The following CHD1L variants were observed in gnomAD, a reference collection of about 807,000 sequenced individuals.
The protein encoded by CHD1L is ATP-dependent chromatin remodeler CHD1L.
CHD1L carries 118 observed loss-of-function variants against 115.9 expected under a neutral mutation model. The ratio of observed to expected loss-of-function variants is 1.02; its 90% confidence interval spans 0.88 to 1.19. CHD1L has a LOEUF of 1.19. CHD1L is among the 50% of genes most tolerant of loss of function. The probability of loss-of-function intolerance (pLI) is 0.00; values close to 1 mark genes in which losing one functional copy is unlikely to be tolerated. For missense variants in CHD1L, 1,179 were observed against 1,065.3 expected (o/e 1.11, Z -1.49); for synonymous variants, 411 against 387.1 (o/e 1.06, Z -0.72).
At chr1:147,194,063 G>A in the CHD1L span, among the ~76,000 whole-genome samples, 1 of 152,082 alleles carries the variant, frequency 6.6e-6, no homozygotes, top group Non-Finnish European at 1.5e-5. Context: ...GGGTATCCTT[G>A]TTAACCTTCT....
intron 1 of CHD1L, among the ~76,000 whole-genome samples, chr1:147,245,080 G>A (rs782011989): frequency 1.3e-5 from 2 of 152,082 alleles, no homozygotes; most frequent in African/African-American, 2.4e-5. Flanking sequence ...TTTGTTTCTG[G>A]AATATGCAGA....
At position 147,265,446 on chromosome 1, in the gene CHD1L, A is replaced by G. The variant is rs184942599; in HGVS notation, c.740-486A>G. Among the ~76,000 whole-genome samples, 482 of 152,312 alleles carry G rather than the reference A, an allele frequency of 3.2e-3. 4 individuals carry two copies. The highest frequency in any genetic ancestry group is 5.5e-3 in the Non-Finnish European group (377 of 68,012). ...GCAATCCTACAGGTAGTATAATTCT[A>G]ATTTAGAATAATTTTTGAAATTCAA... On this transcript the variant is annotated intron_variant, in intron 7 of 22. Transcript: ENST00000369258.
chr1:147,274,506 T>A (rs1677544535), intron 12 of CHD1L, among the ~76,000 whole-genome samples: 2 of 152,182 alleles, frequency 1.3e-5, no homozygotes, highest in African/African-American at 4.8e-5. Flanking sequence ...GAACAAGCCC[T>A]TTCAGGCTTG....
chr1:147,203,780 A>G, the CHD1L span: 1 of 1,544,514 alleles, frequency 6.5e-7, no homozygotes, highest in Non-Finnish European at 8.9e-7. Flanking sequence ...TATGTCATCC[A>G]TCAGATTGTC....
upstream of CHD1L, chr1:147,242,560 C>T: frequency 1.2e-6 from 1 of 866,446 alleles, no homozygotes; most frequent in Non-Finnish European, 1.5e-6. Flanking sequence ...ACCAGCTCCG[C>T]TCCGGATATC....
chr1:147,196,508 C>T, the CHD1L span, among the ~76,000 whole-genome samples: 1 of 151,798 alleles, frequency 6.6e-6, no homozygotes, highest in Non-Finnish European at 1.5e-5. Flanking sequence ...CAACAAAAAA[C>T]CCTATCTATT....
the CHD1L span, chr1:147,173,092 G>A: frequency 1.3e-5 from 2 of 152,644 alleles, no homozygotes; most frequent in African/African-American, 4.8e-5. Flanking sequence ...CACGAAGTCA[G>A]GAGATCAAGA....
chr1:147,241,305 C>T (rs1177690112), upstream of CHD1L, among the ~76,000 whole-genome samples: 2 of 152,118 alleles, frequency 1.3e-5, no homozygotes, highest in South Asian at 2.1e-4. Flanking sequence ...TTAAATGGCC[C>T]GTCTTTGCCT....
At chr1:147,204,698 G>A in the CHD1L span, 6 of 1,544,834 alleles carry the variant, frequency 3.9e-6, no homozygotes, top group Non-Finnish European at 5.4e-6. Flanking sequence ...GCAGGATGCT[G>A]TACTTCTAGT....
chr1:147,187,330 T>C, the CHD1L span: 33 of 916,102 alleles, frequency 3.6e-5, no homozygotes, highest in Non-Finnish European at 5.1e-5. Context: ...TGCCTGCTAT[T>C]GGCTCAATAT....
At chr1:147,290,805 C>T (rs1379096450) in intron 19 of CHD1L, among the ~76,000 whole-genome samples, 7 of 152,142 alleles carry the variant, frequency 4.6e-5, no homozygotes, top group Non-Finnish European at 1.0e-4. Context: ...AGGTTCACAA[C>T]ACCAAACCTA....
chr1:147,270,310 C>T (rs899675690), intron 10 of CHD1L, among the ~76,000 whole-genome samples: 12 of 152,148 alleles, frequency 7.9e-5, no homozygotes, highest in African/African-American at 2.9e-4. Flanking sequence ...ATCATTTTGC[C>T]GCCTTTCTTC....
At position 147,294,389 on chromosome 1, in the gene CHD1L, T is replaced by A; in HGVS notation, c.2507-20T>A. 6.4e-7 allele frequency: 1 copy of A among 1,561,120 alleles called. No homozygotes were observed. Among genetic ancestry groups the A allele is most frequent in the Non-Finnish European group, 8.8e-7 (1 of 1,139,672 alleles). The stretch of plus-strand genomic sequence containing the variant: ...TCAATTTTTGATGAGTGAAGACATG[T>A]GTTCTTCTCTTCATAATAGCAAGTG... On this transcript the variant is annotated intron_variant, in intron 21 of 22. Coordinates refer to ENST00000369258, the MANE Select transcript of CHD1L (RefSeq NM_004284.6).
chr1:147,209,379 A>C, the CHD1L span, among the ~76,000 whole-genome samples: 1 of 145,560 alleles, frequency 6.9e-6, no homozygotes, highest in Admixed American at 7.2e-5. Context: ...CGGAGCTTGC[A>C]GTGAGCCAAG....
chr1:147,288,339 A>AAGAAAAAG (rs1553967831), intron 19 of CHD1L, among the ~76,000 whole-genome samples: 13,607 of 26,742 alleles, frequency 0.51, 711 homozygotes, highest in South Asian at 0.55. Context: ...AAAAAAAAAA[A>AAGAAAAAG]AAAAAAAGAA....
rs782404802 is a variant in CHD1L at position 147,287,664 on chromosome 1, T to C, written c.2251T>C (p.Leu751=). 1 of 1,613,986 alleles carries C rather than the reference T, an allele frequency of 6.2e-7. No individual in the cohort carries two copies. The change falls in exon 19 of 23, where the codon TTA becomes CTA. Residue 751 remains leucine (L), a synonymous_variant. Coordinates refer to ENST00000369258, the MANE Select transcript of CHD1L (RefSeq NM_004284.6). ...DDSGHWGRGG[L]FTALEKRSAE... Reference sequence around the variant, plus strand: ...CTCTGGCCACTGGGGCAGAGGTGGTTTATTTACAGCTCTGGAAAAGCGATC... The same window carrying C: ...CTCTGGCCACTGGGGCAGAGGTGGTCTATTTACAGCTCTGGAAAAGCGATC...
chr1:147,241,155 T>C (rs1456740395), upstream of CHD1L, among the ~76,000 whole-genome samples: 1 of 152,068 alleles, frequency 6.6e-6, no homozygotes, highest in Non-Finnish European at 1.5e-5. Context: ...TACCATAGAG[T>C]GCTTGGCACA....
chr1:147,194,970 C>A, the CHD1L span, among the ~76,000 whole-genome samples: 6 of 151,826 alleles, frequency 4.0e-5, no homozygotes, highest in Non-Finnish European at 5.9e-5. Flanking sequence ...TTTGGTGAAT[C>A]TGACAATTAT....
At chr1:147,291,000 C>T (rs1265453906) in intron 19 of CHD1L, among the ~76,000 whole-genome samples, 3 of 152,162 alleles carry the variant, frequency 2.0e-5, no homozygotes, top group African/African-American at 7.2e-5. Context: ...ATTCTAACCG[C>T]TTTCACATCA....
Sources: gnomAD v4.1 joint callset for allele counts (sites outside exome capture counted in the v4.1 genomes callset) on GRCh38, gnomAD v4.1.1 for gene constraint, MANE v1.5 for transcripts, NCBI Gene and HGNC (gene_info 2026-07-23, HGNC 2026-07-21) for gene names.